MTUS2: variants seen among roughly 807,000 people sequenced by gnomAD.
The protein encoded by MTUS2 is microtubule associated scaffold protein 2, also known as microtubule-associated tumor suppressor candidate 2.
Under a neutral mutation model 114.1 loss-of-function variants are expected in MTUS2, and 40 were observed. The observed-to-expected ratio is 0.35, with a 90% CI of 0.27 to 0.46. The LOEUF (loss-of-function observed/expected upper bound fraction) is 0.46. Ranked by LOEUF, MTUS2 falls within the 20% of genes least tolerant of loss-of-function variation. The probability of loss-of-function intolerance (pLI) is 1.00; values close to 1 mark genes in which losing one functional copy is unlikely to be tolerated. For synonymous variants in MTUS2, 688 were observed against 672.0 expected (o/e 1.02, Z -0.37); for missense variants, 1,679 against 1,705.4 (o/e 0.98, Z 0.27).
intron 5 of MTUS2, among the ~76,000 whole-genome samples, chr13:29,216,801 A>G (rs1370225298): frequency 1.3e-5 from 2 of 152,200 alleles, no homozygotes; most frequent in East Asian, 3.9e-4. Flanking sequence ...AGCGTTTTCT[A>G]TTCGGCCATC....
At chr13:28,984,862 G>C (rs1166962376) in intron 2 of MTUS2, among the ~76,000 whole-genome samples, 1 of 152,204 alleles carries the variant, frequency 6.6e-6, no homozygotes, top group Non-Finnish European at 1.5e-5. Context: ...TTCTCAAAAA[G>C]ACTATAAATA....
chr13:28,983,736 C>T (rs1389012524), intron 2 of MTUS2, among the ~76,000 whole-genome samples: 1 of 152,214 alleles, frequency 6.6e-6, no homozygotes, highest in Non-Finnish European at 1.5e-5. Context: ...GGGATGGAGC[C>T]AGCAATCTGT....
chr13:28,840,029 A>AT (rs1875365643), intron 2 of MTUS2, among the ~76,000 whole-genome samples, 179 bp downstream of exon 2: 2 of 109,366 alleles, frequency 1.8e-5, no homozygotes, highest in African/African-American at 7.4e-5. Context: ...ATGAAAGCTT[A>AT]ATTTTTTTTT....
intron 7 of MTUS2, among the ~76,000 whole-genome samples, chr13:29,344,383 T>G (rs755004275): frequency 8.4e-4 from 128 of 152,280 alleles, no homozygotes; most frequent in Non-Finnish European, 1.0e-3. Context: ...GTTGGACTAG[T>G]CCTTTTATCA....
At chr13:29,388,665 A>C (rs1487520258) in intron 8 of MTUS2, among the ~76,000 whole-genome samples, 1 of 151,798 alleles carries the variant, frequency 6.6e-6, no homozygotes, top group Non-Finnish European at 1.5e-5. Flanking sequence ...GTCACCTTTT[A>C]AAAATAAAAT....
At chr13:29,488,437 CTTTTTT>C (rs35983023) in intron 11 of MTUS2, among the ~76,000 whole-genome samples, 1 of 113,786 alleles carries the variant, frequency 8.8e-6, no homozygotes, top group African/African-American at 3.5e-5. Context: ...TTTTTTTCCT[CTTTTTT>C]TTTTTTTTTT....
chr13:28,830,700 A>C (rs1179059270), intron 1 of MTUS2, among the ~76,000 whole-genome samples: 2 of 152,182 alleles, frequency 1.3e-5, no homozygotes, highest in African/African-American at 4.8e-5. Flanking sequence ...TTGAAATCTC[A>C]AAAGGAAAAG....
intron 8 of MTUS2, among the ~76,000 whole-genome samples, chr13:29,379,821 C>T (rs967627106): frequency 2.6e-5 from 4 of 152,172 alleles, no homozygotes; most frequent in African/African-American, 2.4e-5. Context: ...AAAAAGATCA[C>T]GTTTCCCAAT....
chr13:29,381,506 G>A (rs1179567712), intron 8 of MTUS2, among the ~76,000 whole-genome samples: 7 of 152,166 alleles, frequency 4.6e-5, no homozygotes, highest in Admixed American at 4.6e-4. Flanking sequence ...TATGTGGCAA[G>A]CACTGGAGTA....
At chr13:29,024,339 C>T (rs1169097538) in intron 2 of MTUS2, 118 bp from the exon 3 acceptor site, 2 of 233,096 alleles carry the variant, frequency 8.6e-6, no homozygotes, top group East Asian at 1.4e-4. Context: ...TTTGAGAAAA[C>T]TATTGATTGA....
chr13:29,476,367 C>CCTT (rs1566223693), intron 9 of MTUS2: 2 of 1,250 alleles, frequency 1.6e-3, no homozygotes, highest in Non-Finnish European at 6.5e-3. Flanking sequence ...GTAGGGTTTT[C>CCTT]ATTGTTTTAT....
intron 9 of MTUS2, among the ~76,000 whole-genome samples, chr13:29,479,020 C>T (rs1177955326): frequency 2.0e-5 from 3 of 152,196 alleles, no homozygotes; most frequent in Admixed American, 1.3e-4. Context: ...TTAGCTGCCT[C>T]TATAGCGTGG....
chr13:29,013,400 A>T (rs1035643560), intron 2 of MTUS2, among the ~76,000 whole-genome samples: 7 of 152,282 alleles, frequency 4.6e-5, no homozygotes, highest in South Asian at 4.1e-4. Context: ...AACTAAATTT[A>T]AAAAAATTGC....
At chr13:28,983,401 G>T (rs1191383175) in intron 2 of MTUS2, among the ~76,000 whole-genome samples, 1 of 152,216 alleles carries the variant, frequency 6.6e-6, no homozygotes, top group East Asian at 1.9e-4. Flanking sequence ...CATCCAAGTT[G>T]AGGTGTGCTG....
At position 29,160,637 on chromosome 13, in the gene MTUS2, G is replaced by A. The variant is rs188812642; in HGVS notation, c.2644+59667G>A. ...TACAAAAAATTAGCTGGGCATGGTG[G>A]TGGATGCCTGTAGTCCCAGCTACTT... On this transcript the variant is annotated intron_variant, in intron 5 of 15. Coordinates refer to ENST00000612955, the MANE Select transcript of MTUS2 (RefSeq NM_001033602.4). Among the ~76,000 whole-genome samples, 322 of 152,304 alleles carry A rather than the reference G, an allele frequency of 2.1e-3. 1 individual carries two copies. Among genetic ancestry groups the A allele is most frequent in the African/African-American group, 7.6e-3 (314 of 41,568 alleles).
intron 4 of MTUS2, among the ~76,000 whole-genome samples, chr13:29,079,900 T>C (rs563890425): frequency 2.6e-5 from 4 of 152,322 alleles, no homozygotes; most frequent in African/African-American, 9.6e-5. Flanking sequence ...TCTATATGAA[T>C]TTTAGGATTA....
chr13:28,881,435 A>G (rs1222482149), intron 2 of MTUS2, among the ~76,000 whole-genome samples: 6 of 152,150 alleles, frequency 3.9e-5, no homozygotes, highest in Admixed American at 3.9e-4. Context: ...TCTGCAATAA[A>G]CTATGAATGC....
intron 6 of MTUS2, among the ~76,000 whole-genome samples, chr13:29,318,391 C>CTTTTTTTTTTTTTTTTTTTTTTTTTTTTT (rs71090240): frequency 7.4e-6 from 1 of 135,038 alleles, no homozygotes; most frequent in Non-Finnish European, 1.5e-5. Context: ...ATTTCTTTTT[C>CTTTTTTTTTTTTTTTTTTTTTTTTTTTTT]TTTTTTTTTT....
At chr13:29,217,438 G>A (rs1193759583) in intron 5 of MTUS2, among the ~76,000 whole-genome samples, 1 of 152,090 alleles carries the variant, frequency 6.6e-6, no homozygotes, top group Non-Finnish European at 1.5e-5. Context: ...TAAAACTTAT[G>A]GTTACACTAT....
Sources: gnomAD v4.1 joint callset for allele counts (sites outside exome capture counted in the v4.1 genomes callset) on GRCh38, gnomAD v4.1.1 for gene constraint, MANE v1.5 for transcripts, NCBI Gene and HGNC (gene_info 2026-07-23, HGNC 2026-07-21) for gene names.